Variants in CDH8 observed in about 807,000 individuals in gnomAD.
CDH8 encodes the protein cadherin-8.
A neutral mutation model predicts 68.1 loss-of-function variants in CDH8; 17 were observed. That is an observed-to-expected ratio of 0.25 (90% CI 0.17 to 0.37). The LOEUF is 0.37. CDH8 is among the 10% of genes least tolerant of loss of function. CDH8 has a pLI of 1.00. For synonymous variants in CDH8, 372 were observed against 365.1 expected (o/e 1.02, Z -0.21); for missense variants, 763 against 999.3 (o/e 0.76, Z 3.19).
At chr16:61,835,736 C>A (rs543495512) in intron 4 of CDH8, among the ~76,000 whole-genome samples, 1 of 152,020 alleles carries the variant, frequency 6.6e-6, no homozygotes, top group African/African-American at 2.4e-5. Context: ...AGCCACAATT[C>A]CAATAACTAA....
At chr16:61,829,450 C>T (rs1327310403) in intron 4 of CDH8, among the ~76,000 whole-genome samples, 3 of 151,816 alleles carry the variant, frequency 2.0e-5, no homozygotes, top group African/African-American at 7.2e-5. Context: ...TGTCCAAGTG[C>T]CAAACATTTT....
chr16:61,675,963 A>G (rs1196489278), intron 10 of CDH8, among the ~76,000 whole-genome samples: 1 of 151,652 alleles, frequency 6.6e-6, no homozygotes, highest in Non-Finnish European at 1.5e-5. Flanking sequence ...GCCACTTAAT[A>G]CTGAAGAAGA....
Position 61,999,240 on chromosome 16 carries a change from G to A in CDH8, c.252+21912C>T, listed in dbSNP as rs574602356. 6.6e-5 allele frequency among the ~76,000 whole-genome samples: 10 copies of A among 152,264 alleles called. No homozygotes were observed. The South Asian group carries it at 2.1e-3, about 32-fold the overall frequency. On this transcript the variant is annotated intron_variant, in intron 2 of 11. Coordinates refer to ENST00000577390, the MANE Select transcript of CDH8 (RefSeq NM_001796.5). ...AAAGATTACCAAATATTTTACAGAT[G>A]AAAAATCTGAGCTCAGTGATGTTGA... is the stretch of plus-strand genomic sequence containing the variant.
chr16:61,812,555 C>A (rs1337985960), intron 7 of CDH8, among the ~76,000 whole-genome samples: 7 of 151,950 alleles, frequency 4.6e-5, no homozygotes, highest in Non-Finnish European at 7.4e-5. Flanking sequence ...CATGGTGACA[C>A]CCAATACACA....
At chr16:61,930,908 T>C (rs1008487659) in intron 2 of CDH8, among the ~76,000 whole-genome samples, 2 of 152,228 alleles carry the variant, frequency 1.3e-5, no homozygotes, top group African/African-American at 4.8e-5. Context: ...AATGTGTAGC[T>C]TGAATAGCCC....
chr16:61,972,256 G>T (rs1202032215), intron 2 of CDH8, among the ~76,000 whole-genome samples: 1 of 152,118 alleles, frequency 6.6e-6, no homozygotes, highest in Non-Finnish European at 1.5e-5. Context: ...GAGAAATGTG[G>T]AACTGTGAGT....
intron 10 of CDH8, among the ~76,000 whole-genome samples, chr16:61,707,388 G>A (rs563914593): frequency 6.6e-6 from 1 of 152,204 alleles, no homozygotes; most frequent in Non-Finnish European, 1.5e-5. Flanking sequence ...TACCTTGCAG[G>A]TTCCCATAGA....
chr16:61,902,279 T>G (rs1315157235), intron 2 of CDH8, among the ~76,000 whole-genome samples: 1 of 152,136 alleles, frequency 6.6e-6, no homozygotes, highest in Non-Finnish European at 1.5e-5. Flanking sequence ...AATTTGTGTG[T>G]CAGGCAAATA....
chr16:61,976,238 T>G (rs1965431614), intron 2 of CDH8, among the ~76,000 whole-genome samples: 1 of 152,222 alleles, frequency 6.6e-6, no homozygotes, highest in African/African-American at 2.4e-5. Context: ...ACTCTCTGAC[T>G]CTTAGCTTGC....
chr16:61,883,891 A>G (rs1419663069), intron 3 of CDH8, among the ~76,000 whole-genome samples: 1 of 152,174 alleles, frequency 6.6e-6, no homozygotes, highest in African/African-American at 2.4e-5. Context: ...ACAATTAGAG[A>G]AAATATAGAA....
chr16:61,704,527 A>G (rs971129428), intron 10 of CDH8, among the ~76,000 whole-genome samples: 1 of 152,250 alleles, frequency 6.6e-6, no homozygotes, highest in Non-Finnish European at 1.5e-5. Context: ...GATCACTTCC[A>G]TGATTTTTGA....
chr16:61,857,816 C>T (rs975431842), intron 3 of CDH8, among the ~76,000 whole-genome samples: 4 of 151,832 alleles, frequency 2.6e-5, no homozygotes, highest in African/African-American at 7.3e-5. Context: ...TTCACTCATT[C>T]ATTCAACAAT....
intron 3 of CDH8, among the ~76,000 whole-genome samples, chr16:61,874,094 G>A (rs1429351236): frequency 6.6e-6 from 1 of 151,834 alleles, no homozygotes; most frequent in African/African-American, 2.4e-5. Context: ...GATGTCCTGT[G>A]GTGCCAGATG....
intron 8 of CDH8, among the ~76,000 whole-genome samples, chr16:61,777,584 T>A (rs915342081): frequency 2.0e-5 from 3 of 152,122 alleles, no homozygotes; most frequent in African/African-American, 7.2e-5. Flanking sequence ...ATCCACGTGT[T>A]CTTTCTTAGA....
At chr16:61,776,326 G>C (rs1960898506) in intron 8 of CDH8, among the ~76,000 whole-genome samples, 1 of 152,036 alleles carries the variant, frequency 6.6e-6, no homozygotes. Flanking sequence ...TTTCACTGGG[G>C]CAATTTGACT....
At chr16:61,808,912 G>A (rs1384422239) in intron 7 of CDH8, among the ~76,000 whole-genome samples, 2 of 152,108 alleles carry the variant, frequency 1.3e-5, no homozygotes, top group African/African-American at 4.8e-5. Flanking sequence ...TAGACCAGGC[G>A]CAGTGGCTAA....
intron 8 of CDH8, among the ~76,000 whole-genome samples, chr16:61,744,891 C>T (rs1219820391): frequency 6.6e-6 from 1 of 151,286 alleles, no homozygotes; most frequent in East Asian, 1.9e-4. Context: ...TTTAATTCTA[C>T]CTCAACTTTA....
intron 2 of CDH8, among the ~76,000 whole-genome samples, chr16:61,982,472 G>A (rs1276157701): frequency 6.6e-6 from 1 of 152,176 alleles, no homozygotes; most frequent in Non-Finnish European, 1.5e-5. Context: ...GCCCGCCTCG[G>A]CCTCCCATAG....
intron 8 of CDH8, among the ~76,000 whole-genome samples, chr16:61,733,665 C>A (rs1959598785): frequency 6.6e-6 from 1 of 151,828 alleles, no homozygotes; most frequent in South Asian, 2.1e-4. Context: ...CTTGCTTTTG[C>A]CAGTGCCCTT....
Sources: allele counts gnomAD v4.1 joint callset (sites outside exome capture counted in the v4.1 genomes callset), GRCh38; gene constraint gnomAD v4.1.1; transcripts MANE v1.5; gene names NCBI Gene and HGNC (gene_info 2026-07-23, HGNC 2026-07-21).